SACS: variants seen among roughly 807,000 people sequenced by gnomAD.
SACS encodes sacsin.
In SACS, 197 loss-of-function variants were observed where a neutral mutation model predicts 348.0. The observed-to-expected ratio is 0.57, with a 90% CI of 0.50 to 0.64. The LOEUF (loss-of-function observed/expected upper bound fraction) is 0.64. Ranked by LOEUF, SACS falls within the 30% of genes least tolerant of loss-of-function variation. SACS has a pLI of 0.00. For missense variants in SACS, 4,999 were observed against 5,360.8 expected (o/e 0.93, Z 2.11); for synonymous variants, 1,985 against 1,910.6 (o/e 1.04, Z -1.02).
chr13:23,340,328 G>A lies in SACS; in HGVS notation c.3548C>T (p.Pro1183Leu), dbSNP rs748577540. The change falls in exon 10 of 10, where the codon CCA becomes CTA. Residue 1183 changes from proline (P) to leucine (L), a missense_variant. By Grantham distance (98) the Pro-to-Leu change is moderately conservative (BLOSUM62 -3). Transcript: ENST00000382292. ...ATGGCCTACATCACACATATCTGGT[G>A]GTGCACAGAGATTACAGAGATCTCC... ...WKGDLCNLCA[P>L]PDMCDVGHAI... 1.6e-5 allele frequency: 26 copies of A among 1,613,812 alleles called. No individual in the cohort carries two copies. The South Asian group carries it at 2.9e-4, about 18-fold the overall frequency.
In SACS at chr13:23,353,890, G is replaced by T; in HGVS notation, c.2094-14C>A. 1.4e-6 allele frequency: 2 copies of T among 1,393,182 alleles called. No homozygotes were observed. Among genetic ancestry groups the T allele is most frequent in the Non-Finnish European group, 1.0e-6 (1 of 978,588 alleles). 86.3% of individuals were successfully genotyped at this position (1,393,182 alleles called of 1,614,324 possible). A position where few individuals can be genotyped will look rare whatever the true frequency, so the allele number is the denominator to read the frequency against. ...GGGAAAAGGGACCTGAAAAGGGAAAGGAACAGCAATCATCATAATCTTCCC... is the reference window on the plus strand; with the variant it reads ...GGGAAAAGGGACCTGAAAAGGGAAATGAACAGCAATCATCATAATCTTCCC... On this transcript the variant is annotated splice_polypyrimidine_tract_variant and intron_variant, in intron 8 of 9. Coordinates refer to ENST00000382292, the MANE Select transcript of SACS (RefSeq NM_014363.6).
Position 23,335,957 on chromosome 13 carries a change from G to C in SACS, c.7919C>G (p.Ser2640Cys). 2 of 1,612,554 alleles carry C rather than the reference G, an allele frequency of 1.2e-6. No homozygotes were observed. The highest frequency in any genetic ancestry group is 1.7e-6 in the Non-Finnish European group (2 of 1,178,686). The part of the protein sequence containing the change: ...YHITDCPSFI[S>C]GNDILCIFDP... ...AAAAATACACAGGATGTCATTGCCA[G>C]AAATAAAAGATGGGCAGTCTGTGAT... The change falls in exon 10 of 10, where the codon TCT becomes TGT. Residue 2640 changes from serine to cysteine, a missense_variant. By Grantham distance (112) the Ser-to-Cys change is moderately radical. This residue lies in a region of SACS where 3,156 missense variants were observed against 3,380.1 expected (regional missense o/e 0.93). Transcript: ENST00000382292. This position sits in a 1 kb window ranked among gnomAD's most constrained non-coding sequence, Gnocchi z 4.7.
Position 23,394,536 on chromosome 13 carries a change from G to C in SACS, c.20+16684C>G, listed in dbSNP as rs957910440. On this transcript the variant is annotated intron_variant, in intron 2 of 9. Transcript: ENST00000382292. Reference sequence around the variant, plus strand: ...AATAATTTGTTCTTTAACACTTACAGTGTCATGACTTGCATAGGATCAGAT... The same window carrying C: ...AATAATTTGTTCTTTAACACTTACACTGTCATGACTTGCATAGGATCAGAT... Among the ~76,000 whole-genome samples the C allele has an allele frequency of 3.3e-5, 5 of 152,182 alleles. No homozygotes were observed. In the East Asian group the frequency reaches 9.6e-4, roughly 29 times the overall value.
Position 23,411,355 on chromosome 13 carries a change from G to T in SACS, c.-116C>A. On this transcript the variant is annotated 5_prime_UTR_variant, in exon 2 of 10. Coordinates refer to ENST00000382292, the MANE Select transcript of SACS (RefSeq NM_014363.6). Reference sequence around the variant, plus strand: ...GTGTACTCCAAGTTCAGCTCTTCCTGCCAGGTGGAAAAAAAGCCTGTTTTT... The same window carrying T: ...GTGTACTCCAAGTTCAGCTCTTCCTTCCAGGTGGAAAAAAAGCCTGTTTTT... The T allele has an allele frequency of 1.1e-6, 1 of 952,238 alleles. No individual in the cohort carries two copies. The highest frequency in any genetic ancestry group is 1.7e-6 in the Non-Finnish European group (1 of 591,616). 59.0% of individuals were successfully genotyped at this position (952,238 alleles called of 1,614,324 possible).
chr13:23,388,128 CAA>C (rs1302478490), intron 2 of SACS, among the ~76,000 whole-genome samples: 1 of 152,032 alleles, frequency 6.6e-6, no homozygotes, highest in African/African-American at 2.4e-5. Flanking sequence ...GTCATTATAT[CAA>C]AAAGACACCT....
At position 23,340,950 on chromosome 13, in the gene SACS, G is replaced by A. The variant is rs139993038; in HGVS notation, c.2926C>T (p.Arg976Cys). ...TCTATTTTCAACATGTTTGCCAGAC[G>A]AATAGTAGCTTCATCACTACTGTCT... ...VIDSSDEATI[R>C]LANMLKIEQL... is the part of the protein sequence containing the mutation. The change falls in exon 10 of 10, where the codon CGT (arginine) becomes TGT (cysteine). Residue 976 changes from arginine to cysteine, a missense_variant. Transcript: ENST00000382292. 67 of 1,613,992 alleles carry A rather than the reference G, an allele frequency of 4.2e-5. No individual in the cohort carries two copies. Among genetic ancestry groups the A allele is most frequent in the African/African-American group, 1.5e-4 (11 of 75,046 alleles).
rs767281295 is a variant in SACS, at chr13:23,333,608, A to G, written c.10268T>C (p.Ile3423Thr). The change falls in exon 10 of 10, where the codon ATT becomes ACT. Residue 3423 changes from isoleucine (I) to threonine (T), a missense_variant. Ile to Thr is a moderately conservative substitution (Grantham distance 89). Around this residue, in one of 6 missense-constraint regions of SACS, gnomAD observed 734 missense variants for 694.0 expected, o/e 1.06. Coordinates refer to ENST00000382292, the MANE Select transcript of SACS (RefSeq NM_014363.6). ...TACGTAGCATGTTCCAAATTTTCCAATGCTTACATAGCGGCCACTGATGGA... is the reference window on the plus strand; with the variant it reads ...TACGTAGCATGTTCCAAATTTTCCAGTGCTTACATAGCGGCCACTGATGGA... ...YKSISGRYVS[I>T]GKFGTCYVLT... is the part of the protein sequence containing the mutation. The G allele has an allele frequency of 7.4e-6, 12 of 1,613,772 alleles. No individual in the cohort carries two copies. The Admixed American group carries it at 1.3e-4, about 18-fold the overall frequency.
chr13:23,341,541 G>C lies in SACS; in HGVS notation c.2335C>G (p.Leu779Val), dbSNP rs760431853. The part of the protein sequence containing the change: ...ENRNHPSVSW[L>V]KMVWKNLYIH... ...TAAAGATTTTTCCAAACCATCTTAA[G>C]CCATGAAACAGATGGGTGATTTCTG... Residue 779 changes from leucine (L) to valine (V), a missense_variant, in exon 10 of 10, where the codon CTT (leucine) becomes GTT (valine). By Grantham distance (32) the Leu-to-Val change is conservative (BLOSUM62 1). Coordinates refer to ENST00000382292, the MANE Select transcript of SACS (RefSeq NM_014363.6). 1 of 1,613,980 alleles carries C rather than the reference G, an allele frequency of 6.2e-7. No individual in the cohort carries two copies. Among genetic ancestry groups the C allele is most frequent in the Non-Finnish European group, 8.5e-7 (1 of 1,179,938 alleles).
intron 2 of SACS, among the ~76,000 whole-genome samples, chr13:23,394,463 G>A (rs1872638692): frequency 1.3e-5 from 2 of 152,168 alleles, no homozygotes; most frequent in Admixed American, 6.5e-5. Context: ...CCCCCATTGT[G>A]TAGCAATAGC....
In SACS at chr13:23,331,403, G is replaced by A; in HGVS notation, c.12473C>T (p.Thr4158Ile). 6.2e-7 allele frequency: 1 copy of A among 1,614,028 alleles called. No homozygotes were observed. The highest frequency in any genetic ancestry group is 8.5e-7 in the Non-Finnish European group (1 of 1,179,942). ...PSKLELPMPG[T>I]PIPAEIHYTL... ...GTAATGAATTTCAGCAGGAATTGGTGTGCCAGGCATTGGAAGTTCCAGTTT... is the reference window on the plus strand; with the variant it reads ...GTAATGAATTTCAGCAGGAATTGGTATGCCAGGCATTGGAAGTTCCAGTTT... Residue 4158 changes from threonine (T) to isoleucine (I), a missense_variant, in exon 10 of 10, where the codon ACA (threonine) becomes ATA (isoleucine). Around this residue, in one of 6 missense-constraint regions of SACS, gnomAD observed 831 missense variants for 941.8 expected, o/e 0.88. Coordinates refer to ENST00000382292, the MANE Select transcript of SACS (RefSeq NM_014363.6).
intron 2 of SACS, among the ~76,000 whole-genome samples, chr13:23,381,341 A>G (rs1219908975): frequency 6.9e-6 from 1 of 144,630 alleles, no homozygotes; most frequent in African/African-American, 2.6e-5. Flanking sequence ...CTGGCTGGAC[A>G]TGGGCAGCAC....
chr13:23,426,684 G>A (rs949814132), intron 1 of SACS, among the ~76,000 whole-genome samples: 1 of 152,090 alleles, frequency 6.6e-6, no homozygotes, highest in Non-Finnish European at 1.5e-5. Flanking sequence ...GTCTGGAAAG[G>A]GGGGACAACT....
intron 2 of SACS, among the ~76,000 whole-genome samples, chr13:23,408,688 T>C (rs375051670): frequency 2.0e-3 from 312 of 152,268 alleles, no homozygotes; most frequent in African/African-American, 7.2e-3. Flanking sequence ...CTTTTTGGCC[T>C]GGCACAGTGG....
intron 2 of SACS, chr13:23,375,484 T>C: frequency 3.5e-6 from 4 of 1,149,520 alleles, no homozygotes; most frequent in Non-Finnish European, 4.3e-6. Flanking sequence ...CGCAGTCCCG[T>C]ACGCAGCAGC....
intron 2 of SACS, among the ~76,000 whole-genome samples, chr13:23,397,242 T>C (rs1459540829): frequency 1.3e-5 from 2 of 152,186 alleles, no homozygotes; most frequent in African/African-American, 4.8e-5. Context: ...ACAACTTTGT[T>C]TGCAAACTCT....
rs2137573752 is a variant in SACS, at chr13:23,333,301, C to T, written c.10575G>A (p.Leu3525=). Residue 3525 remains leucine, a synonymous_variant, in exon 10 of 10, where the codon TTG becomes TTA. Coordinates refer to ENST00000382292, the MANE Select transcript of SACS (RefSeq NM_014363.6). ...GTCTACTGTTAGCATCATGGATTAT[C>T]AATAAACTTTCCAGTTTTTCAAAAA... ...EQLFEKLESL[L]IIHDANSRLK... 2 of 1,604,982 alleles carry T rather than the reference C, an allele frequency of 1.2e-6. No individual in the cohort carries two copies. The highest frequency in any genetic ancestry group is 1.7e-6 in the Non-Finnish European group (2 of 1,177,146).
Position 23,341,777 on chromosome 13 carries a change from GTTCTTT to G in SACS, c.2186-93_2186-88del, listed in dbSNP as rs1869256094. ...CTCACAAATAACACAGTACTGGAAGGTTCTTTTTTTTTTTTTTTTTTTTTTTTTTGA... is the reference window on the plus strand; with the variant it reads ...CTCACAAATAACACAGTACTGGAAGGTTTTTTTTTTTTTTTTTTTTTTTGA... On this transcript the variant is annotated intron_variant, in intron 9 of 9. Coordinates refer to ENST00000382292, the MANE Select transcript of SACS (RefSeq NM_014363.6). The G allele has an allele frequency of 6.5e-6, 4 of 617,146 alleles. No individual in the cohort carries two copies. The African/African-American group carries it at 6.9e-5, about 11-fold the overall frequency. The allele number at this position is 617,146 out of a possible 1,614,324, so 38.2% of individuals were successfully genotyped here. A position where few individuals can be genotyped will look rare whatever the true frequency, so the allele number is the denominator to read the frequency against.
At chr13:23,371,298 G>A (rs1383051401) in intron 3 of SACS, 133 bp from the exon 4 acceptor site, 2 of 438,028 alleles carry the variant, frequency 4.6e-6, no homozygotes, top group Non-Finnish European at 4.1e-6. Flanking sequence ...GTTGTCTGGA[G>A]AAGTGAATAT....
At position 23,334,474 on chromosome 13, in the gene SACS, A is replaced by T; in HGVS notation, c.9402T>A (p.Leu3134=). 1.9e-6 allele frequency: 3 copies of T among 1,612,748 alleles called. No individual in the cohort carries two copies. Among genetic ancestry groups the T allele is most frequent in the Non-Finnish European group, 2.5e-6 (3 of 1,179,702 alleles). Residue 3134 remains leucine (L), a synonymous_variant, in exon 10 of 10, where the codon CTT becomes CTA. Transcript: ENST00000382292. ...CATCTTTAAAACAATAATCAACTAA[A>T]AGTTTTAAACTATGAAAAAGTTTTA... ...TNLKLFHSLK[L]LVDYCFKDAE...
Sources: gnomAD v4.1 joint callset for allele counts (sites outside exome capture counted in the v4.1 genomes callset) on GRCh38, gnomAD v4.1.1 for gene constraint, gnomAD v4.1.1 regional missense constraint, Gnocchi (gnomAD v3.1) non-coding constraint, MANE v1.5 for transcripts, NCBI Gene and HGNC (gene_info 2026-07-23, HGNC 2026-07-21) for gene names.